CAPN2: variants seen among roughly 807,000 people sequenced by gnomAD.
CAPN2 encodes the protein calpain-2 catalytic subunit.
A neutral mutation model predicts 102.3 loss-of-function variants in CAPN2; 92 were observed. The observed-to-expected ratio is 0.90, with a 90% CI of 0.76 to 1.07. The LOEUF is 1.07. Ranked by LOEUF, CAPN2 falls within the 50% of genes least tolerant of loss-of-function variation. The pLI, the probability that CAPN2 is intolerant of heterozygous loss-of-function variation, is 0.00. For synonymous variants in CAPN2, 340 were observed against 355.4 expected (o/e 0.96, Z 0.49); for missense variants, 800 against 909.4 (o/e 0.88, Z 1.55).
In CAPN2 at chr1:223,727,660, C is replaced by G. The variant is rs945217533; in HGVS notation, c.307+9829C>G. Reference sequence around the variant, plus strand: ...ATATTCTTTCCAGCATTGCTTCAATCTAATCCAGCCGCAAGTATGAGTAAA... The same window carrying G: ...ATATTCTTTCCAGCATTGCTTCAATGTAATCCAGCCGCAAGTATGAGTAAA... On this transcript the variant is annotated intron_variant, in intron 2 of 20. Coordinates refer to ENST00000295006, the MANE Select transcript of CAPN2 (RefSeq NM_001748.5). The surrounding 1 kb of genome is among the most constrained non-coding windows in gnomAD (Gnocchi z 4.1). Among the ~76,000 whole-genome samples the G allele has an allele frequency of 1.3e-5, 2 of 152,172 alleles. No individual in the cohort carries two copies. The highest frequency in any genetic ancestry group is 4.8e-5 in the African/African-American group (2 of 41,436).
In CAPN2 at chr1:223,770,535, T is replaced by C. The variant is rs1661447057; in HGVS notation, c.1903+10T>C. ...GCATTAGAAGAAGCAGGTAACCCTT[T>C]ATAACTGCATTTTCGTTCCTAGTTT... On this transcript the variant is annotated intron_variant, in intron 18 of 20. Transcript: ENST00000295006. The C allele has an allele frequency of 6.3e-7, 1 of 1,587,952 alleles. No individual in the cohort carries two copies. Among genetic ancestry groups the C allele is most frequent in the Non-Finnish European group, 8.6e-7 (1 of 1,156,506 alleles).
At chr1:223,768,247 A>G (rs1191312300) in intron 16 of CAPN2, among the ~76,000 whole-genome samples, 1 of 150,446 alleles carries the variant, frequency 6.6e-6, no homozygotes, top group Admixed American at 6.6e-5. Flanking sequence ...TTGGTGTTTT[A>G]GACATGAAGT....
intron 1 of CAPN2, among the ~76,000 whole-genome samples, chr1:223,714,621 TAAAAAAA>T (rs373544472): frequency 7.6e-6 from 1 of 130,970 alleles, no homozygotes; most frequent in East Asian, 2.2e-4. Flanking sequence ...TATAAAAAAG[TAAAAAAA>T]AAAAAAAAAA....
At chr1:223,729,868 C>T (rs1019471901) in intron 2 of CAPN2, among the ~76,000 whole-genome samples, 81 of 151,806 alleles carry the variant, frequency 5.3e-4, no homozygotes, top group Middle Eastern at 3.4e-3. Context: ...CTGGGCATGG[C>T]GGTGTATGCC....
In CAPN2 at chr1:223,712,675, G is replaced by A. The variant is rs1449901982; in HGVS notation, c.35G>A (p.Arg12Gln). The change falls in exon 1 of 21, where the codon CGG becomes CAG. Residue 12 changes from arginine (R) to glutamine (Q), a missense_variant. Coordinates refer to ENST00000295006, the MANE Select transcript of CAPN2 (RefSeq NM_001748.5). ...ATCGCGGCCAAGCTGGCGAAGGACC[G>A]GGAGGCGGCCGAGGGGCTGGGCTCC... ...AGIAAKLAKD[R>Q]EAAEGLGSHD... 1.3e-6 allele frequency: 2 copies of A among 1,552,574 alleles called. No homozygotes were observed. The highest frequency in any genetic ancestry group is 2.4e-5 in the South Asian group (2 of 83,494).
chr1:223,735,245 T>C (rs1290536772), intron 2 of CAPN2, among the ~76,000 whole-genome samples: 1 of 152,162 alleles, frequency 6.6e-6, no homozygotes, highest in Non-Finnish European at 1.5e-5. Context: ...CCAGGTCCTC[T>C]GGCTGGGCGC....
chr1:223,752,770 G>C (rs756603605), intron 8 of CAPN2, 26 bp from the exon 9 acceptor site: 25 of 1,612,958 alleles, frequency 1.5e-5, no homozygotes, highest in Non-Finnish European at 2.1e-5. Flanking sequence ...CTTATCACCT[G>C]TGATGATTGT....
chr1:223,731,408 C>A lies in CAPN2; in HGVS notation c.308-12692C>A, dbSNP rs1660331600. The stretch of plus-strand genomic sequence containing the variant: ...TGCCTGTTCTGGACTCTGCACTTGA[C>A]CTTCCCTCTCCCTGAAAGTGCCCCT... On this transcript the variant is annotated intron_variant, in intron 2 of 20. Coordinates refer to ENST00000295006, the MANE Select transcript of CAPN2 (RefSeq NM_001748.5). The surrounding 1 kb of genome is among the most constrained non-coding windows in gnomAD (Gnocchi z 4.2). 6.6e-6 allele frequency among the ~76,000 whole-genome samples: 1 copy of A among 152,110 alleles called. No individual in the cohort carries two copies. Among genetic ancestry groups the A allele is most frequent in the East Asian group, 1.9e-4 (1 of 5,164 alleles).
chr1:223,730,866 G>A (rs925913421), intron 2 of CAPN2, among the ~76,000 whole-genome samples: 7 of 152,142 alleles, frequency 4.6e-5, no homozygotes, highest in Non-Finnish European at 8.8e-5. Flanking sequence ...ATGCATTTTC[G>A]ACTTGCAATA....
At chr1:223,763,599 C>T (rs1319232659) in intron 14 of CAPN2, among the ~76,000 whole-genome samples, 1 of 152,166 alleles carries the variant, frequency 6.6e-6, no homozygotes, top group African/African-American at 2.4e-5. Context: ...TGGTTTTCAC[C>T]AGTTTTACAG....
At chr1:223,772,538 C>T (rs1323480790) in intron 20 of CAPN2, 3 of 369,726 alleles carry the variant, frequency 8.1e-6, no homozygotes, top group East Asian at 8.4e-5. Context: ...GAAAAATGAA[C>T]TCCTGATTAG....
rs115329079 is a variant in CAPN2 at position 223,756,064 on chromosome 1, C to G, written c.1305+415C>G. 3.8e-3 allele frequency among the ~76,000 whole-genome samples: 572 copies of G among 152,352 alleles called. 4 individuals are homozygous for G. Among genetic ancestry groups the G allele is most frequent in the African/African-American group, 0.012 (479 of 41,580 alleles). On this transcript the variant is annotated intron_variant, in intron 10 of 20. Coordinates refer to ENST00000295006, the MANE Select transcript of CAPN2 (RefSeq NM_001748.5). The surrounding 1 kb of genome is among the most constrained non-coding windows in gnomAD (Gnocchi z 4.1). ...CTCAGAGCTCGGCAAAGTCATTGGC[C>G]TGGATGGTGGAGAGCTTGGGGACAG...
chr1:223,708,177 T>C (rs1168608812), upstream of CAPN2, among the ~76,000 whole-genome samples: 1 of 152,106 alleles, frequency 6.6e-6, no homozygotes, highest in Non-Finnish European at 1.5e-5. Context: ...TGCCAACCAT[T>C]ACACAATGGA....
At chr1:223,703,046 C>T (rs1553343734) in intron 1 of CAPN2, among the ~76,000 whole-genome samples, 1 of 152,194 alleles carries the variant, frequency 6.6e-6, no homozygotes, top group Non-Finnish European at 1.5e-5. Context: ...CTGCACTTCG[C>T]AGGGTGCTGA....
At chr1:223,736,217 C>G (rs1183088471) in intron 2 of CAPN2, among the ~76,000 whole-genome samples, 1 of 152,164 alleles carries the variant, frequency 6.6e-6, no homozygotes. Context: ...CAGCACACAG[C>G]CCTGGGCAGG....
At position 223,753,071 on chromosome 1, in the gene CAPN2, T is replaced by C. The variant is rs573854342; in HGVS notation, c.1135+115T>C. 5.3e-5 allele frequency: 47 copies of C among 895,118 alleles called. 1 individual carries two copies. The South Asian group carries it at 7.1e-4, about 14-fold the overall frequency. 55.4% of individuals were successfully genotyped at this position (895,118 alleles called of 1,614,324 possible). On this transcript the variant is annotated intron_variant, in intron 9 of 20. Coordinates refer to ENST00000295006, the MANE Select transcript of CAPN2 (RefSeq NM_001748.5). ...CCTAGCAGCCCCAGGAGGCAGCTCC[T>C]GCTCACTGGAACCCTCTCTGTCTTC... is the stretch of plus-strand genomic sequence containing the variant.
In CAPN2 at chr1:223,750,919, G is replaced by T; in HGVS notation, c.843G>T (p.Leu281=). Residue 281 remains leucine (L), a synonymous_variant, in exon 7 of 21, where the codon CTG becomes CTT. Transcript: ENST00000295006. ...AAAGTAACGGAAGCCTACAGAAACT[G>T]ATCCGCATCCGAAATCCCTGGGGAG... is the stretch of plus-strand genomic sequence containing the variant. ...EVESNGSLQK[L]IRIRNPWGEV... The T allele has an allele frequency of 6.4e-7, 1 of 1,552,600 alleles. No individual in the cohort carries two copies. Among genetic ancestry groups the T allele is most frequent in the East Asian group, 2.4e-5 (1 of 41,104 alleles).
rs752663773 is a variant in CAPN2 at position 223,756,968 on chromosome 1, G to C, written c.1306-401G>C. On this transcript the variant is annotated intron_variant, in intron 10 of 20. Coordinates refer to ENST00000295006, the MANE Select transcript of CAPN2 (RefSeq NM_001748.5). This position sits in a 1 kb window ranked among gnomAD's most constrained non-coding sequence, Gnocchi z 4.1. ...GAGGGGACTTGCTCAAGGAAATGCA[G>C]ACCGGACCACTGGACCTGGCTGACA... Among the ~76,000 whole-genome samples the C allele has an allele frequency of 1.7e-4, 26 of 152,178 alleles. No individual in the cohort carries two copies. Among genetic ancestry groups the C allele is most frequent in the Non-Finnish European group, 2.8e-4 (19 of 68,028 alleles).
At chr1:223,722,230 A>G (rs1660066645) in intron 2 of CAPN2, among the ~76,000 whole-genome samples, 1 of 149,040 alleles carries the variant, frequency 6.7e-6, no homozygotes, top group Non-Finnish European at 1.5e-5. Flanking sequence ...TGAATATTTA[A>G]GTGTTTTAAA....
Sources: gnomAD v4.1 joint callset for allele counts (sites outside exome capture counted in the v4.1 genomes callset) on GRCh38, gnomAD v4.1.1 for gene constraint, Gnocchi (gnomAD v3.1) non-coding constraint, MANE v1.5 for transcripts, NCBI Gene and HGNC (gene_info 2026-07-23, HGNC 2026-07-21) for gene names.